The following NBDY variants were observed in gnomAD, a reference collection of about 807,000 sequenced individuals.
The protein encoded by NBDY is negative regulator of P-body association.
At chrX:56,798,055 A>AGGCATGAG (rs1203152249) in intron 2 of NBDY, among the ~76,000 whole-genome samples, 2 of 112,027 alleles carry the variant, frequency 1.8e-5, no homozygotes, top group African/African-American at 6.5e-5. Flanking sequence ...ACAAAGCCAC[A>AGGCATGAG]GGCATGAGAC....
chrX:56,781,847 T>G (rs981745080), intron 2 of NBDY, among the ~76,000 whole-genome samples: 1 of 111,917 alleles, frequency 8.9e-6, no homozygotes, highest in African/African-American at 3.3e-5. Context: ...GCTGATTACC[T>G]CTTTTCCCTG....
Position 56,731,797 on chromosome X carries a change from G to A in NBDY, c.*30-266G>A, listed in dbSNP as rs187820451. 3.3e-3 allele frequency among the ~76,000 whole-genome samples: 361 copies of A among 110,916 alleles called. 2 individuals carry two copies. Among genetic ancestry groups the A allele is most frequent in the African/African-American group, 0.011 (346 of 30,501 alleles). On this transcript the variant is annotated intron_variant, in intron 1 of 2. Transcript: ENST00000374922. ...CAACTCTACTAGAGAAGTTTGTATA[G>A]ACCAAGGGAAGTTGTATGACTTGCC... is the stretch of plus-strand genomic sequence containing the variant.
intron 2 of NBDY, among the ~76,000 whole-genome samples, chrX:56,788,089 C>T (rs1449047879): frequency 8.9e-6 from 1 of 112,311 alleles, no homozygotes; most frequent in Admixed American, 9.3e-5. Context: ...TAGAGAGGAC[C>T]AAAGGAAGGG....
intron 2 of NBDY, among the ~76,000 whole-genome samples, chrX:56,751,033 A>G (rs1385864478): frequency 2.7e-5 from 3 of 111,555 alleles, no homozygotes; most frequent in African/African-American, 9.8e-5. Context: ...GATAATGTCT[A>G]AAGTCTTAGC....
intron 2 of NBDY, among the ~76,000 whole-genome samples, chrX:56,767,657 C>T (rs182757613): frequency 1.7e-3 from 195 of 113,587 alleles, no homozygotes; most frequent in African/African-American, 5.4e-3. Context: ...CTGTGCTCCA[C>T]TTCTCGCCTA....
intron 2 of NBDY, among the ~76,000 whole-genome samples, chrX:56,764,702 C>CAAAAAA (rs10623590): frequency 0.013 from 758 of 60,530 alleles, 11 homozygotes; most frequent in Non-Finnish European, 0.019. Context: ...AAACAAACAC[C>CAAAAAA]AAAAAAAAAA....
intron 1 of NBDY, 150 bp from the exon 2 acceptor site, chrX:56,731,913 T>A (rs182761871): frequency 7.9e-6 from 2 of 252,615 alleles, no homozygotes; most frequent in African/African-American, 2.8e-5. Flanking sequence ...ATATAATACA[T>A]CCCTTCTAAT....
intron 2 of NBDY, among the ~76,000 whole-genome samples, chrX:56,781,335 C>G (rs2069688151): frequency 8.9e-6 from 1 of 111,969 alleles, no homozygotes; most frequent in Admixed American, 9.4e-5. Context: ...ATTGCTTTCT[C>G]TCTGCCTTCC....
intron 2 of NBDY, among the ~76,000 whole-genome samples, chrX:56,808,722 T>C (rs1160377822): frequency 1.8e-5 from 2 of 112,065 alleles, no homozygotes; most frequent in Non-Finnish European, 3.8e-5. Flanking sequence ...CCTGGATTCA[T>C]TGATTTTTTT....
intron 2 of NBDY, among the ~76,000 whole-genome samples, chrX:56,738,014 A>G (rs942437311): frequency 8.9e-5 from 10 of 111,883 alleles, no homozygotes; most frequent in Non-Finnish European, 1.7e-4. Context: ...ATGTGTCACA[A>G]TCAAGAAATT....
chrX:56,733,632 A>G (rs771312548), intron 2 of NBDY, among the ~76,000 whole-genome samples: 1 of 111,562 alleles, frequency 9.0e-6, no homozygotes, highest in African/African-American at 3.3e-5. Context: ...CTAAGTTGTA[A>G]AGTTATAGGG....
Position 56,781,030 on chromosome X carries a change from T to C in NBDY, c.*167-36290T>C, listed in dbSNP as rs768772765. 1.5e-4 allele frequency among the ~76,000 whole-genome samples: 17 copies of C among 111,061 alleles called. No homozygotes were observed. The South Asian group carries it at 4.2e-3, about 28-fold the overall frequency. On this transcript the variant is annotated intron_variant, in intron 2 of 2. Transcript: ENST00000374922. ...TTCTCATAAGTGTATACCATCCACC[T>C]CGGGGCCCCTCCTTTTGTGCCTTGG... is the stretch of plus-strand genomic sequence containing the variant.
intron 2 of NBDY, among the ~76,000 whole-genome samples, chrX:56,758,103 G>T (rs1044935841): frequency 1.8e-5 from 2 of 111,146 alleles, no homozygotes; most frequent in African/African-American, 6.6e-5. Context: ...GGAGGCCAAG[G>T]TGGGCAGATT....
chrX:56,734,640 C>A (rs1378681545), intron 2 of NBDY, among the ~76,000 whole-genome samples: 6 of 111,682 alleles, frequency 5.4e-5, no homozygotes, highest in African/African-American at 2.0e-4. Context: ...CATGCAGATC[C>A]AGTTCCACTC....
At chrX:56,803,230 G>A (rs1473816278) in intron 2 of NBDY, among the ~76,000 whole-genome samples, 10 of 111,457 alleles carry the variant, frequency 9.0e-5, no homozygotes, top group South Asian at 3.8e-4. Context: ...AGCCCTCTCC[G>A]AAAAAAGGGC....
chrX:56,756,628 C>T (rs983299315), intron 2 of NBDY, among the ~76,000 whole-genome samples: 2 of 111,477 alleles, frequency 1.8e-5, no homozygotes, highest in Admixed American at 9.5e-5. Flanking sequence ...AGGCAACAGA[C>T]GAATAGGAAA....
Position 56,786,512 on chromosome X carries a change from TCTC to T in NBDY, c.*167-30804_*167-30802del, listed in dbSNP as rs746469057. 3.8e-3 allele frequency among the ~76,000 whole-genome samples: 418 copies of T among 110,888 alleles called. 4 individuals carry two copies. Among genetic ancestry groups the T allele is most frequent in the African/African-American group, 0.012 (380 of 30,433 alleles). ...TCTAATCCTCATCTTTAATTCTTCT[TCTC>T]CTCTTTTTTATCCTCTTGCTCCTTC... On this transcript the variant is annotated intron_variant, in intron 2 of 2. Transcript: ENST00000374922.
intron 2 of NBDY, among the ~76,000 whole-genome samples, chrX:56,804,283 A>G (rs898148681): frequency 3.6e-5 from 4 of 112,193 alleles, no homozygotes; most frequent in Admixed American, 2.8e-4. Flanking sequence ...CCCTTCTAGC[A>G]GAAGAAGGTC....
At chrX:56,801,021 C>A (rs937709935) in intron 2 of NBDY, among the ~76,000 whole-genome samples, 1 of 111,769 alleles carries the variant, frequency 8.9e-6, no homozygotes, top group Admixed American at 9.4e-5. Context: ...TGGCCCCTTG[C>A]AGTGCGCTGA....
Sources: allele counts gnomAD v4.1 joint callset (sites outside exome capture counted in the v4.1 genomes callset), GRCh38; gene constraint gnomAD v4.1.1; transcripts MANE v1.5; gene names NCBI Gene and HGNC (gene_info 2026-07-23, HGNC 2026-07-21).